Variants in GRM7 observed in about 807,000 individuals in gnomAD.
GRM7 encodes the protein glutamate metabotropic receptor 7, also known as metabotropic glutamate receptor 7.
GRM7 carries 35 observed loss-of-function variants against 84.5 expected under a neutral mutation model. The observed-to-expected ratio is 0.41, with a 90% CI of 0.32 to 0.55. The LOEUF (loss-of-function observed/expected upper bound fraction) is 0.55, where lower values mean the gene tolerates loss of function less well. GRM7 is among the 20% of genes least tolerant of loss of function. The pLI is 0.19. For missense variants in GRM7, 1,003 were observed against 1,194.6 expected (o/e 0.84, Z 2.36); for synonymous variants, 487 against 455.1 (o/e 1.07, Z -0.89).
chr3:7,327,417 C>CT (rs567421698), intron 4 of GRM7, among the ~76,000 whole-genome samples: 1 of 152,106 alleles, frequency 6.6e-6, no homozygotes, highest in Non-Finnish European at 1.5e-5. Context: ...AGAACTATTG[C>CT]TATCCTTTTC....
At chr3:7,186,295 G>A (rs1695511759) in intron 2 of GRM7, among the ~76,000 whole-genome samples, 1 of 152,138 alleles carries the variant, frequency 6.6e-6, no homozygotes, top group Non-Finnish European at 1.5e-5. Context: ...TGAGTGCTTA[G>A]CACATGGGCA....
At chr3:7,473,522 G>GAGAGAGAGAGAGAA (rs2124926963) in intron 7 of GRM7, among the ~76,000 whole-genome samples, 1 of 147,720 alleles carries the variant, frequency 6.8e-6, no homozygotes, top group East Asian at 2.0e-4. Flanking sequence ...GAGAGAGAGA[G>GAGAGAGAGAGAGAA]AGAGAGAGAA....
At chr3:6,888,645 T>C (rs1315588888) in intron 1 of GRM7, among the ~76,000 whole-genome samples, 2 of 152,280 alleles carry the variant, frequency 1.3e-5, no homozygotes, top group East Asian at 1.9e-4. Flanking sequence ...CCTTGTAGTA[T>C]AGTTTGAAGT....
Position 7,741,398 on chromosome 3 carries a change from C to T in GRM7, c.*992C>T, listed in dbSNP as rs1350886987. On this transcript the variant is annotated 3_prime_UTR_variant, in exon 10 of 10. Transcript: ENST00000357716. ...TTTTACTGTTTGTAATAAGTACTTTCGTTAATCTTGCTGCTTATGTGCCAA... is the reference window on the plus strand; with the variant it reads ...TTTTACTGTTTGTAATAAGTACTTTTGTTAATCTTGCTGCTTATGTGCCAA... The T allele has an allele frequency of 6.6e-6, 1 of 152,474 alleles. No individual in the cohort carries two copies. Among genetic ancestry groups the T allele is most frequent in the Non-Finnish European group, 1.5e-5 (1 of 68,004 alleles). The allele number at this position is 152,474 out of a possible 1,614,324, so 9.4% of individuals were successfully genotyped here. A position where few individuals can be genotyped will look rare whatever the true frequency, so the allele number is the denominator to read the frequency against.
chr3:7,009,805 G>A (rs527778790), intron 1 of GRM7, among the ~76,000 whole-genome samples: 3 of 152,192 alleles, frequency 2.0e-5, no homozygotes, highest in South Asian at 4.1e-4. Flanking sequence ...AGCCTCCAGG[G>A]GATCCTTGAG....
At chr3:7,427,086 G>A (rs1028303135) in intron 5 of GRM7, among the ~76,000 whole-genome samples, 1 of 152,178 alleles carries the variant, frequency 6.6e-6, no homozygotes, top group African/African-American at 2.4e-5. Flanking sequence ...TGTGATAAAT[G>A]TTTCAGAAGC....
intron 8 of GRM7, chr3:7,636,207 T>C (rs951350426): frequency 2.2e-6 from 1 of 456,578 alleles, no homozygotes; most frequent in Non-Finnish European, 4.4e-6. Flanking sequence ...AGATTTAACT[T>C]GAGCCTCAAT....
At chr3:7,037,036 C>A (rs985418872) in intron 1 of GRM7, among the ~76,000 whole-genome samples, 1 of 152,170 alleles carries the variant, frequency 6.6e-6, no homozygotes, top group Non-Finnish European at 1.5e-5. Context: ...TGTCTTAGGA[C>A]ATTGAAATAT....
intron 1 of GRM7, among the ~76,000 whole-genome samples, chr3:6,933,542 A>G (rs1241660989): frequency 6.6e-6 from 1 of 152,206 alleles, no homozygotes; most frequent in South Asian, 2.1e-4. Flanking sequence ...ACGGGAGGAC[A>G]TTGATATAAA....
At chr3:7,284,235 A>G (rs894307068) in intron 2 of GRM7, among the ~76,000 whole-genome samples, 2 of 151,912 alleles carry the variant, frequency 1.3e-5, no homozygotes, top group African/African-American at 2.4e-5. Flanking sequence ...CCAAAGTACC[A>G]GAGTGTTTGG....
intron 4 of GRM7, among the ~76,000 whole-genome samples, chr3:7,312,029 CAT>C (rs1312543529): frequency 2.0e-5 from 3 of 152,132 alleles, no homozygotes; most frequent in African/African-American, 7.2e-5. Context: ...ATAACAAAGT[CAT>C]AGCAAATTTT....
intron 8 of GRM7, among the ~76,000 whole-genome samples, chr3:7,627,953 G>C (rs770442166): frequency 6.6e-6 from 1 of 152,154 alleles, no homozygotes; most frequent in East Asian, 1.9e-4. Flanking sequence ...TGAGGTACTA[G>C]TGGTTAGGAC....
intron 2 of GRM7, among the ~76,000 whole-genome samples, chr3:7,236,404 T>C (rs1341418961): frequency 1.3e-5 from 2 of 152,158 alleles, no homozygotes; most frequent in African/African-American, 4.8e-5. Flanking sequence ...AAGTAGTAGA[T>C]TGGTTATGGT....
At chr3:7,636,967 C>T (rs1041660768) in intron 8 of GRM7, among the ~76,000 whole-genome samples, 9 of 152,122 alleles carry the variant, frequency 5.9e-5, no homozygotes, top group Admixed American at 3.3e-4. Context: ...AATGGTCTTC[C>T]CTCTTTATTA....
intron 1 of GRM7, among the ~76,000 whole-genome samples, chr3:7,099,353 TG>T (rs1698983620): frequency 6.8e-6 from 1 of 147,826 alleles, no homozygotes; most frequent in Non-Finnish European, 1.5e-5. Context: ...CATGTATATA[TG>T]TACACATGTA....
intron 1 of GRM7, among the ~76,000 whole-genome samples, chr3:7,134,426 ATCG>A (rs896182578): frequency 2.9e-5 from 4 of 137,490 alleles, no homozygotes; most frequent in African/African-American, 5.8e-5. Context: ...AATCATCATC[ATCG>A]TCATCATCAT....
intron 5 of GRM7, among the ~76,000 whole-genome samples, chr3:7,450,906 C>G (rs1457165951): frequency 6.6e-6 from 1 of 151,664 alleles, no homozygotes; most frequent in African/African-American, 2.4e-5. Context: ...GAATTTCCCT[C>G]TTGGAGGTTA....
chr3:6,979,934 A>G (rs1694133579), intron 1 of GRM7, among the ~76,000 whole-genome samples: 1 of 152,136 alleles, frequency 6.6e-6, no homozygotes, highest in African/African-American at 2.4e-5. Context: ...TCATTCTGTG[A>G]GGGGTAACAT....
chr3:7,618,596 T>C (rs1480627381), intron 8 of GRM7, among the ~76,000 whole-genome samples: 1 of 152,142 alleles, frequency 6.6e-6, no homozygotes, highest in Non-Finnish European at 1.5e-5. Flanking sequence ...TCATCACAAA[T>C]TGAGTGAGAG....
Sources: allele counts gnomAD v4.1 joint callset (sites outside exome capture counted in the v4.1 genomes callset), GRCh38; gene constraint gnomAD v4.1.1; transcripts MANE v1.5; gene names NCBI Gene and HGNC (gene_info 2026-07-23, HGNC 2026-07-21).